The following CLTCL1 variants were observed in gnomAD, a reference collection of about 807,000 sequenced individuals.
CLTCL1 encodes the protein clathrin heavy chain like 1, also known as clathrin heavy chain 2.
CLTCL1 carries 159 observed loss-of-function variants against 190.0 expected under a neutral mutation model. The observed-to-expected ratio is 0.84, with a 90% CI of 0.74 to 0.95. CLTCL1 has a LOEUF of 0.95. Among genes scored for constraint, CLTCL1 ranks in the 40% least tolerant of loss-of-function variants. The pLI is 0.00. For missense variants in CLTCL1, 1,878 were observed against 2,033.4 expected, an observed-to-expected ratio of 0.92 and a Z score of 1.47; for synonymous variants, 752 against 769.6, an observed-to-expected ratio of 0.98 and a Z score of 0.38.
At chr22:19,264,755 C>T (rs1168234104) in intron 2 of CLTCL1, among the ~76,000 whole-genome samples, 1 of 151,546 alleles carries the variant, frequency 6.6e-6, no homozygotes, top group Admixed American at 6.6e-5. Flanking sequence ...TTCTTGAATT[C>T]ACAAAAAGGA....
At chr22:19,194,078 G>A (rs1046444340) in intron 26 of CLTCL1, among the ~76,000 whole-genome samples, 3 of 152,160 alleles carry the variant, frequency 2.0e-5, no homozygotes, top group Non-Finnish European at 4.4e-5. Context: ...ACAGAGTGCT[G>A]ATTGGCCCAT....
intron 4 of CLTCL1, among the ~76,000 whole-genome samples, chr22:19,242,330 C>T (rs2145955667): frequency 6.6e-6 from 1 of 151,680 alleles, no homozygotes. Flanking sequence ...CACTGTGTAG[C>T]CCAAGCAGGA....
rs1214337596 is a variant in CLTCL1, at chr22:19,221,453, C to T, written c.2720G>A (p.Arg907His). Residue 907 changes from arginine (R) to histidine (H), a missense_variant, in exon 17 of 33, where the codon CGC (arginine) becomes CAC (histidine). Physicochemically the swap from Arg to His is conservative, Grantham distance 29. Transcript: ENST00000427926. The part of the protein sequence containing the change: ...NAYYDSSVVG[R>H]YCEKRDPHLA... The stretch of plus-strand genomic sequence containing the variant: ...ATGGGGGTCTCGCTTCTCACAGTAG[C>T]GGCCCACCACGCTGCTGTCATAGTA... 7.0e-6 allele frequency: 11 copies of T among 1,578,284 alleles called. No individual in the cohort carries two copies. Among genetic ancestry groups the T allele is most frequent in the South Asian group, 3.5e-5 (3 of 86,018 alleles).
chr22:19,249,643 C>T (rs1555969196), intron 3 of CLTCL1, among the ~76,000 whole-genome samples: 1 of 151,860 alleles, frequency 6.6e-6, no homozygotes, highest in Non-Finnish European at 1.5e-5. Context: ...TTGCAGTGAG[C>T]CGAGATCGCA....
intron 1 of CLTCL1, among the ~76,000 whole-genome samples, chr22:19,288,410 A>G (rs1163814130): frequency 6.6e-6 from 1 of 152,228 alleles, no homozygotes; most frequent in African/African-American, 2.4e-5. Context: ...CTTAGAACAT[A>G]TTCCCCATGG....
At position 19,198,033 on chromosome 22, in the gene CLTCL1, C is replaced by T. The variant is rs1014426415; in HGVS notation, c.3874-1377G>A. 2.0e-4 allele frequency among the ~76,000 whole-genome samples: 31 copies of T among 152,190 alleles called. No homozygotes were observed. Among genetic ancestry groups the T allele is most frequent in the Admixed American group, 1.4e-3 (22 of 15,274 alleles). ...ATGATGCCCCCACCTGAACATCCAG[C>T]GGGCAGCTCAAGACTTAGCACCATG... On this transcript the variant is annotated intron_variant, in intron 24 of 32. Coordinates refer to ENST00000427926, the MANE Select transcript of CLTCL1 (RefSeq NM_007098.4). This position sits in a 1 kb window ranked among gnomAD's most constrained non-coding sequence, Gnocchi z 4.1.
chr22:19,265,192 T>A (rs1390007489), intron 2 of CLTCL1, among the ~76,000 whole-genome samples: 2 of 152,196 alleles, frequency 1.3e-5, no homozygotes, highest in African/African-American at 2.4e-5. Flanking sequence ...TCAACTTAAG[T>A]TTAAACTATA....
At chr22:19,219,259 G>A (rs1164815440) in intron 18 of CLTCL1, among the ~76,000 whole-genome samples, 1 of 148,030 alleles carries the variant, frequency 6.8e-6, no homozygotes, top group Middle Eastern at 3.6e-3. Context: ...GTGCAGTCTC[G>A]GCTTTCTGCA....
At chr22:19,206,981 TA>T (rs1174377633) in intron 22 of CLTCL1, among the ~76,000 whole-genome samples, 35 of 152,210 alleles carry the variant, frequency 2.3e-4, no homozygotes, top group Non-Finnish European at 4.3e-4. Context: ...CCCATTATGT[TA>T]TCTGATTTTT....
intron 4 of CLTCL1, among the ~76,000 whole-genome samples, chr22:19,240,723 A>C (rs984945511): frequency 2.2e-4 from 33 of 152,338 alleles, no homozygotes; most frequent in Non-Finnish European, 4.3e-4. Context: ...AGTGTACCAC[A>C]AAAGGGTAAG....
chr22:19,272,506 T>C (rs2087354597), intron 2 of CLTCL1, among the ~76,000 whole-genome samples: 1 of 152,206 alleles, frequency 6.6e-6, no homozygotes, highest in African/African-American at 2.4e-5. Flanking sequence ...GTTTCGCTCT[T>C]GTTGCCCAGG....
At chr22:19,241,839 G>A (rs757583087) in intron 4 of CLTCL1, among the ~76,000 whole-genome samples, 24 of 151,832 alleles carry the variant, frequency 1.6e-4, no homozygotes, top group East Asian at 3.9e-4. Flanking sequence ...TCCCTGAGGC[G>A]CCTCCCAACC....
At chr22:19,257,832 G>A (rs950573062) in intron 2 of CLTCL1, 2 of 1,426,900 alleles carry the variant, frequency 1.4e-6, no homozygotes, top group Non-Finnish European at 1.9e-6. Context: ...CCTGGAGACT[G>A]AGAATTAGAG....
In CLTCL1 at chr22:19,219,869, C is replaced by T. The variant is rs2085511769; in HGVS notation, c.2919+16G>A. The T allele has an allele frequency of 6.2e-7, 1 of 1,613,994 alleles. No individual in the cohort carries two copies. The highest frequency in any genetic ancestry group is 8.5e-7 in the Non-Finnish European group (1 of 1,179,852). On this transcript the variant is annotated intron_variant, in intron 18 of 32. Transcript: ENST00000427926. ...CAAAATGCAGGTGTGCAGACATACC[C>T]ATCTCTGTGCCTCACCTGGTCAATT...
chr22:19,227,568 C>T (rs1474565248), intron 11 of CLTCL1, among the ~76,000 whole-genome samples: 3 of 151,932 alleles, frequency 2.0e-5, no homozygotes, highest in African/African-American at 7.2e-5. Flanking sequence ...GATTCTCCTG[C>T]CTCAGCCTCC....
At chr22:19,184,542 A>G (rs1384794327) in intron 29 of CLTCL1, 7 of 455,866 alleles carry the variant, frequency 1.5e-5, no homozygotes, top group Non-Finnish European at 2.6e-5. Context: ...TGTTCCTACA[A>G]AGGCACCAGG....
chr22:19,189,194 C>T (rs1188111679), intron 27 of CLTCL1, among the ~76,000 whole-genome samples: 3 of 152,308 alleles, frequency 2.0e-5, no homozygotes, highest in South Asian at 2.1e-4. Context: ...TGAGCCACCG[C>T]GCTCGGCTGG....
chr22:19,226,606 T>C (rs1009331280), intron 11 of CLTCL1, among the ~76,000 whole-genome samples: 2 of 152,234 alleles, frequency 1.3e-5, no homozygotes, highest in Non-Finnish European at 2.9e-5. Context: ...CATTCTCCCA[T>C]GTTGCAGCTG....
At position 19,225,599 on chromosome 22, in the gene CLTCL1, T is replaced by A; in HGVS notation, c.1982A>T (p.Glu661Val). 1 of 1,571,432 alleles carries A rather than the reference T, an allele frequency of 6.4e-7. No individual in the cohort carries two copies. The highest frequency in any genetic ancestry group is 1.2e-5 in the South Asian group (1 of 85,210). The stretch of plus-strand genomic sequence containing the variant: ...GGCATGCAGACACTCCACAGAATCC[T>A]CCACCGATAAGGAGCCAAAGAAATT... ...LVNFFGSLSVEDSVECLHAML... is the reference protein window; with the variant it reads ...LVNFFGSLSVVDSVECLHAML... The change falls in exon 13 of 33, where the codon GAG becomes GTG. Residue 661 changes from glutamate (E) to valine (V), a missense_variant. Physicochemically the swap from Glu to Val is moderately radical, Grantham distance 121. Transcript: ENST00000427926.
Sources: allele counts gnomAD v4.1 joint callset (sites outside exome capture counted in the v4.1 genomes callset), GRCh38; gene constraint gnomAD v4.1.1; non-coding constraint Gnocchi (gnomAD v3.1); transcripts MANE v1.5; gene names NCBI Gene and HGNC (gene_info 2026-07-23, HGNC 2026-07-21).